Variants in ABHD2 observed in about 807,000 individuals in gnomAD.
The protein encoded by ABHD2 is monoacylglycerol lipase ABHD2.
A neutral mutation model predicts 48.1 loss-of-function variants in ABHD2; 20 were observed. The observed-to-expected ratio is 0.42, with a 90% CI of 0.29 to 0.60. The LOEUF (loss-of-function observed/expected upper bound fraction) is 0.60. ABHD2 is among the 20% of genes least tolerant of loss of function. The pLI is 0.24. For synonymous variants in ABHD2, 209 were observed against 214.2 expected (o/e 0.98, Z 0.21); for missense variants, 405 against 550.9 (o/e 0.74, Z 2.65).
chr15:89,156,380 C>T (rs879451213), intron 5 of ABHD2, among the ~76,000 whole-genome samples: 6 of 151,296 alleles, frequency 4.0e-5, no homozygotes, highest in Non-Finnish European at 7.4e-5. Flanking sequence ...CTCGGCCTCC[C>T]GAAGTGCTGG....
chr15:89,173,018 C>A lies in ABHD2; in HGVS notation c.539-2794C>A, dbSNP rs2050954627. Among the ~76,000 whole-genome samples the A allele has an allele frequency of 6.6e-6, 1 of 152,212 alleles. No homozygotes were observed. Among genetic ancestry groups the A allele is most frequent in the Non-Finnish European group, 1.5e-5 (1 of 68,038 alleles). ...AGGCCCAAGCAGTCTGGCCACAGGG[C>A]CTTTTCACTTAGCCATGAGGCCAGG... On this transcript the variant is annotated intron_variant, in intron 5 of 10. Transcript: ENST00000352732. This position sits in a 1 kb window ranked among gnomAD's most constrained non-coding sequence, Gnocchi z 6.5.
intron 5 of ABHD2, among the ~76,000 whole-genome samples, chr15:89,163,666 G>C (rs964042439): frequency 9.2e-5 from 14 of 152,238 alleles, no homozygotes; most frequent in African/African-American, 3.4e-4. Flanking sequence ...AGAATACAGA[G>C]GAGCAGGTGT....
At position 89,131,583 on chromosome 15, in the gene ABHD2, C is replaced by A. The variant is rs147508904; in HGVS notation, c.194+15062C>A. 7.3e-3 allele frequency among the ~76,000 whole-genome samples: 1,104 copies of A among 152,152 alleles called. 5 individuals are homozygous for A. The highest frequency in any genetic ancestry group is 0.017 in the Middle Eastern group (5 of 294). On this transcript the variant is annotated intron_variant, in intron 3 of 10. Transcript: ENST00000352732. Reference sequence around the variant, plus strand: ...TCTGACTATTGAGAGACTAACAGGTCCCCTAGAGTCTGGAGACAAATTGAT... The same window carrying A: ...TCTGACTATTGAGAGACTAACAGGTACCCTAGAGTCTGGAGACAAATTGAT...
Position 89,104,076 on chromosome 15 carries a change from C to T in ABHD2, c.-106-9649C>T, listed in dbSNP as rs1455164700. 3.3e-5 allele frequency: 5 copies of T among 152,210 alleles called. No homozygotes were observed. The highest frequency in any genetic ancestry group is 4.8e-5 in the African/African-American group (2 of 41,448). 9.4% of individuals were successfully genotyped at this position (152,210 alleles called of 1,614,324 possible). A position where few individuals can be genotyped will look rare whatever the true frequency, so the allele number is the denominator to read the frequency against. ...ATAAAACAGAAATAAGTAAAGCATGCCTCAAAATGCTGTGCACACTATGTA... is the reference window on the plus strand; with the variant it reads ...ATAAAACAGAAATAAGTAAAGCATGTCTCAAAATGCTGTGCACACTATGTA... On this transcript the variant is annotated intron_variant, in intron 1 of 10. Coordinates refer to ENST00000352732, the MANE Select transcript of ABHD2 (RefSeq NM_152924.5). The surrounding 1 kb of genome is among the most constrained non-coding windows in gnomAD (Gnocchi z 4.4).
chr15:89,147,666 T>TA (rs2050517607), intron 3 of ABHD2, among the ~76,000 whole-genome samples: 2 of 152,032 alleles, frequency 1.3e-5, no homozygotes, highest in Admixed American at 1.3e-4. Context: ...TAGCTCTTTT[T>TA]AAAACAAAAT....
chr15:89,164,808 T>C lies in ABHD2; in HGVS notation c.538+9274T>C, dbSNP rs888369382. ...AAAAAAAATGGCAATAATATAAAAG[T>C]GCATGGCATAGAGTCCAGCAAATAC... On this transcript the variant is annotated intron_variant, in intron 5 of 10. Transcript: ENST00000352732. The surrounding 1 kb of genome is among the most constrained non-coding windows in gnomAD (Gnocchi z 5.0). 6.6e-6 allele frequency among the ~76,000 whole-genome samples: 1 copy of C among 151,576 alleles called. No homozygotes were observed. Among genetic ancestry groups the C allele is most frequent in the Non-Finnish European group, 1.5e-5 (1 of 67,920 alleles).
intron 3 of ABHD2, among the ~76,000 whole-genome samples, chr15:89,143,028 A>G (rs2050430502): frequency 6.6e-6 from 1 of 152,136 alleles, no homozygotes; most frequent in African/African-American, 2.4e-5. Context: ...CAATACAGTT[A>G]AATTTTATCT....
chr15:89,052,554 G>C, the ABHD2 span, among the ~76,000 whole-genome samples: 70,315 of 118,078 alleles, frequency 0.6, 19,138 homozygotes, highest in African/African-American at 0.79. Flanking sequence ...CAGACAGACA[G>C]ACAGACACAC....
chr15:89,127,706 C>CATATATATATATATATGTATATATAT (rs71464446), intron 3 of ABHD2, among the ~76,000 whole-genome samples: 2 of 129,916 alleles, frequency 1.5e-5, no homozygotes, highest in African/African-American at 7.2e-5. Context: ...TATATATATA[C>CATATATATATATATATGTATATATAT]ATATATATAT....
At chr15:89,194,411 G>A (rs546904160) in intron 10 of ABHD2, among the ~76,000 whole-genome samples, 32 of 152,212 alleles carry the variant, frequency 2.1e-4, no homozygotes, top group Admixed American at 1.9e-3. Flanking sequence ...GCTTGAACCC[G>A]AGAGTGGAGG....
intron 5 of ABHD2, among the ~76,000 whole-genome samples, chr15:89,171,573 T>C (rs2050928109): frequency 6.6e-6 from 1 of 152,206 alleles, no homozygotes; most frequent in Non-Finnish European, 1.5e-5. Context: ...CCTGGTTGTG[T>C]TGAACGGCGA....
intron 3 of ABHD2, among the ~76,000 whole-genome samples, chr15:89,122,030 A>C (rs2050059975): frequency 6.6e-6 from 1 of 152,006 alleles, no homozygotes; most frequent in Non-Finnish European, 1.5e-5. Flanking sequence ...GAGCCCCATT[A>C]TGTTGCCCAG....
the ABHD2 span, among the ~76,000 whole-genome samples, chr15:89,061,534 C>T: frequency 6.6e-5 from 10 of 152,052 alleles, no homozygotes; most frequent in East Asian, 1.9e-4. Context: ...GTAATAAACC[C>T]GCACATATAC....
intron 1 of ABHD2, among the ~76,000 whole-genome samples, chr15:89,110,302 T>A (rs911843208): frequency 6.6e-6 from 1 of 152,138 alleles, no homozygotes; most frequent in Non-Finnish European, 1.5e-5. Flanking sequence ...TCTCAAGTGA[T>A]CCGCCCGCCT....
intron 3 of ABHD2, among the ~76,000 whole-genome samples, chr15:89,132,736 C>G (rs1160959478): frequency 2.6e-5 from 4 of 152,086 alleles, no homozygotes; most frequent in Admixed American, 2.6e-4. Flanking sequence ...TGCATTTGTC[C>G]TTTATATGTA....
rs1320431784 is a variant in ABHD2, at chr15:89,168,021, G to A, written c.539-7791G>A. ...ATCCACAGATGCCATGCATGGGCCTGGCATGGAACATACAGAGATGACTCA... is the reference window on the plus strand; with the variant it reads ...ATCCACAGATGCCATGCATGGGCCTAGCATGGAACATACAGAGATGACTCA... On this transcript the variant is annotated intron_variant, in intron 5 of 10. Transcript: ENST00000352732. This position sits in a 1 kb window ranked among gnomAD's most constrained non-coding sequence, Gnocchi z 4.8. Among the ~76,000 whole-genome samples, 1 of 152,186 alleles carries A rather than the reference G, an allele frequency of 6.6e-6. No homozygotes were observed.
the ABHD2 span, among the ~76,000 whole-genome samples, chr15:89,059,665 G>A: frequency 6.6e-6 from 1 of 152,154 alleles, no homozygotes; most frequent in Non-Finnish European, 1.5e-5. Context: ...AGTCGCAGGT[G>A]CCATTCCAGA....
Position 89,104,271 on chromosome 15 carries a change from G to C in ABHD2, c.-106-9454G>C, listed in dbSNP as rs1296323483. On this transcript the variant is annotated intron_variant, in intron 1 of 10. Coordinates refer to ENST00000352732, the MANE Select transcript of ABHD2 (RefSeq NM_152924.5). The surrounding 1 kb of genome is among the most constrained non-coding windows in gnomAD (Gnocchi z 4.4). Reference sequence around the variant, plus strand: ...CCACACAGCTGAAAGAGATGGATGGGTGAGTGACCTCAGCTTTGCCCAGCT... The same window carrying C: ...CCACACAGCTGAAAGAGATGGATGGCTGAGTGACCTCAGCTTTGCCCAGCT... 1.3e-5 allele frequency: 2 copies of C among 152,278 alleles called. No homozygotes were observed. Among genetic ancestry groups the C allele is most frequent in the Non-Finnish European group, 2.9e-5 (2 of 68,086 alleles). 9.4% of individuals were successfully genotyped at this position (152,278 alleles called of 1,614,324 possible). A position where few individuals can be genotyped will look rare whatever the true frequency, so the allele number is the denominator to read the frequency against.
chr15:89,053,905 A>G, the ABHD2 span, among the ~76,000 whole-genome samples: 2 of 152,172 alleles, frequency 1.3e-5, no homozygotes, highest in African/African-American at 2.4e-5. Context: ...TCACCTCCGC[A>G]TGGAGCCTTG....
Sources: gnomAD v4.1 joint callset for allele counts (sites outside exome capture counted in the v4.1 genomes callset) on GRCh38, gnomAD v4.1.1 for gene constraint, Gnocchi (gnomAD v3.1) non-coding constraint, MANE v1.5 for transcripts, NCBI Gene and HGNC (gene_info 2026-07-23, HGNC 2026-07-21) for gene names.